ADGRL2: variants seen among roughly 807,000 people sequenced by gnomAD.
The protein encoded by ADGRL2 is adhesion G protein-coupled receptor L2, also known as calcium-independent alpha-latrotoxin receptor 2.
ADGRL2 carries 44 observed loss-of-function variants against 157.4 expected under a neutral mutation model. The ratio of observed to expected loss-of-function variants is 0.28; its 90% CI spans 0.22 to 0.36. ADGRL2 has a LOEUF of 0.36. Among genes scored for constraint, ADGRL2 ranks in the 10% least tolerant of loss-of-function variants. The pLI, the probability that ADGRL2 is intolerant of heterozygous loss-of-function variation, is 1.00. For missense variants in ADGRL2, 1,510 were observed against 1,768.9 expected (o/e 0.85, Z 2.63); for synonymous variants, 585 against 624.7 (o/e 0.94, Z 0.95).
chr1:81,592,418 GATCTT>G (rs2081150375), intron 3 of ADGRL2, among the ~76,000 whole-genome samples: 1 of 152,178 alleles, frequency 6.6e-6, no homozygotes, highest in Non-Finnish European at 1.5e-5. Flanking sequence ...GCTGACCCCT[GATCTT>G]ATCTTAACAA....
At chr1:81,368,970 CA>C in intron 1 of ADGRL2, among the ~76,000 whole-genome samples, 1 of 152,188 alleles carries the variant, frequency 6.6e-6, no homozygotes. Context: ...CCTCCTTCTC[CA>C]AAAAATCAGA....
intron 3 of ADGRL2, among the ~76,000 whole-genome samples, chr1:81,632,822 G>T (rs1419835473): frequency 6.6e-6 from 1 of 152,064 alleles, no homozygotes; most frequent in African/African-American, 2.4e-5. Context: ...GAGGTGAAAA[G>T]GTGGGCAGGG....
chr1:81,948,926 G>A (rs1483354017), intron 6 of ADGRL2, among the ~76,000 whole-genome samples: 5 of 152,106 alleles, frequency 3.3e-5, no homozygotes, highest in African/African-American at 9.7e-5. Flanking sequence ...CTACTTTTTC[G>A]TAGTTTACTG....
Position 81,966,041 on chromosome 1 carries a change from T to C in ADGRL2, c.2018-17T>C, listed in dbSNP as rs1656952546. The stretch of plus-strand genomic sequence containing the variant: ...AATCCTTTTTTCCCCACCTCCTTTA[T>C]CTTTTCCCTCATCCAGTCCTGGAAG... On this transcript the variant is annotated splice_polypyrimidine_tract_variant and intron_variant, in intron 11 of 23. Coordinates refer to ENST00000686636, the MANE Select transcript of ADGRL2 (RefSeq NM_001366006.2). 6.2e-7 allele frequency: 1 copy of C among 1,613,190 alleles called. No homozygotes were observed. The highest frequency in any genetic ancestry group is 2.2e-5 in the East Asian group (1 of 44,846).
intron 1 of ADGRL2, among the ~76,000 whole-genome samples, chr1:81,318,157 T>C (rs1207963927): frequency 2.6e-5 from 4 of 152,228 alleles, no homozygotes; most frequent in Admixed American, 2.6e-4. Flanking sequence ...GCTTTCCTGA[T>C]TTCTGTATTT....
intron 2 of ADGRL2, among the ~76,000 whole-genome samples, chr1:81,520,629 G>T (rs2079291771): frequency 6.6e-6 from 1 of 152,094 alleles, no homozygotes; most frequent in Admixed American, 6.6e-5. Flanking sequence ...TCCTCCTTCA[G>T]ACTCTCTTGC....
intron 3 of ADGRL2, among the ~76,000 whole-genome samples, chr1:81,692,672 A>C (rs2148996581): frequency 6.6e-6 from 1 of 152,382 alleles, no homozygotes; most frequent in African/African-American, 2.4e-5. Flanking sequence ...TGATCTTTTT[A>C]ATAATCTTTT....
In ADGRL2 at chr1:81,907,254, C is replaced by G. The variant is rs762829163; in HGVS notation, c.287+24C>G. ...AGGTAAATATTCATGTGTTAATGTC[C>G]CATTTGAGCTATTGTATCCAAATTA... On this transcript the variant is annotated intron_variant, in intron 3 of 23. Coordinates refer to ENST00000686636, the MANE Select transcript of ADGRL2 (RefSeq NM_001366006.2). 12 of 1,575,050 alleles carry G rather than the reference C, an allele frequency of 7.6e-6. No individual in the cohort carries two copies. In the African/African-American group the frequency reaches 1.6e-4, roughly 21 times the overall value.
chr1:81,732,415 T>C (rs2084757634), intron 1 of ADGRL2, among the ~76,000 whole-genome samples: 1 of 152,218 alleles, frequency 6.6e-6, no homozygotes, highest in African/African-American at 2.4e-5. Flanking sequence ...CCAATATCAT[T>C]ATTAATATTT....
chr1:81,723,280 C>T (rs2084398310), intron 1 of ADGRL2, among the ~76,000 whole-genome samples: 1 of 152,080 alleles, frequency 6.6e-6, no homozygotes, highest in Non-Finnish European at 1.5e-5. Context: ...TAATGTTTTC[C>T]TACTAGGAAT....
intron 1 of ADGRL2, among the ~76,000 whole-genome samples, chr1:81,810,028 C>G (rs1040569014): frequency 6.6e-6 from 1 of 151,792 alleles, no homozygotes; most frequent in African/African-American, 2.4e-5. Context: ...CAATTACTGT[C>G]AAAAATGGCA....
chr1:81,447,673 A>G (rs1383681803), intron 2 of ADGRL2, among the ~76,000 whole-genome samples: 1 of 152,198 alleles, frequency 6.6e-6, no homozygotes, highest in East Asian at 1.9e-4. Flanking sequence ...GCTGATTTTT[A>G]GAAAAAAACT....
chr1:81,875,335 G>A (rs546641669), intron 2 of ADGRL2, among the ~76,000 whole-genome samples: 6 of 152,068 alleles, frequency 3.9e-5, no homozygotes, highest in Non-Finnish European at 7.4e-5. Context: ...GTAGTTATTC[G>A]TATGGGTTTG....
chr1:81,549,907 A>T (rs757391050), intron 2 of ADGRL2, among the ~76,000 whole-genome samples: 1 of 150,002 alleles, frequency 6.7e-6, no homozygotes, highest in African/African-American at 2.5e-5. Context: ...AATCACAGTA[A>T]TCAGTGATTA....
At chr1:81,686,008 C>CTTTTTGA (rs2083221552) in intron 3 of ADGRL2, among the ~76,000 whole-genome samples, 1 of 152,076 alleles carries the variant, frequency 6.6e-6, no homozygotes, top group Non-Finnish European at 1.5e-5. Flanking sequence ...GGTGGATTAT[C>CTTTTTGA]TTTTTGATAT....
chr1:81,516,678 A>G (rs1014019321), intron 2 of ADGRL2, among the ~76,000 whole-genome samples: 5 of 152,250 alleles, frequency 3.3e-5, no homozygotes, highest in Non-Finnish European at 7.3e-5. Flanking sequence ...GTCCCTGTGG[A>G]GTAAATTGGA....
chr1:81,941,176 G>C, intron 4 of ADGRL2, among the ~76,000 whole-genome samples: 1 of 87,658 alleles, frequency 1.1e-5, no homozygotes, highest in East Asian at 1.2e-3. Context: ...TATGTATTTT[G>C]CTTACTTTTT....
intron 1 of ADGRL2, among the ~76,000 whole-genome samples, chr1:81,717,758 A>G (rs2084164768): frequency 6.6e-6 from 1 of 152,212 alleles, no homozygotes; most frequent in African/African-American, 2.4e-5. Context: ...TGGAACTAAA[A>G]TGACAATAGC....
At chr1:81,868,569 C>T (rs925370969) in intron 2 of ADGRL2, among the ~76,000 whole-genome samples, 1 of 152,002 alleles carries the variant, frequency 6.6e-6, no homozygotes, top group African/African-American at 2.4e-5. Flanking sequence ...TGTCTTTATA[C>T]ATCTATAGTT....
Sources: gnomAD v4.1 joint callset for allele counts (sites outside exome capture counted in the v4.1 genomes callset) on GRCh38, gnomAD v4.1.1 for gene constraint, MANE v1.5 for transcripts, NCBI Gene and HGNC (gene_info 2026-07-23, HGNC 2026-07-21) for gene names.